The following BICC1 variants were observed in gnomAD, a reference collection of about 807,000 sequenced individuals.
The protein encoded by BICC1 is BicC family RNA binding protein 1.
In BICC1, 43 loss-of-function variants were observed where a neutral mutation model predicts 111.0. The observed-to-expected ratio is 0.39, with a 90% CI of 0.30 to 0.50. The LOEUF (loss-of-function observed/expected upper bound fraction) is 0.50. BICC1 is among the 20% of genes least tolerant of loss of function. The pLI, the probability that BICC1 is intolerant of heterozygous loss-of-function variation, is 0.88. For missense variants in BICC1, 1,091 were observed against 1,203.2 expected (o/e 0.91, Z 1.38); for synonymous variants, 467 against 434.4 (o/e 1.07, Z -0.93).
intron 2 of BICC1, among the ~76,000 whole-genome samples, chr10:58,641,933 T>C (rs565659205): frequency 6.6e-6 from 1 of 152,312 alleles, no homozygotes; most frequent in African/African-American, 2.4e-5. Context: ...ACGTTGCTAT[T>C]TTGACGTCTA....
intron 2 of BICC1, among the ~76,000 whole-genome samples, chr10:58,690,352 T>C (rs981283586): frequency 2.0e-5 from 3 of 152,234 alleles, no homozygotes; most frequent in African/African-American, 7.2e-5. Context: ...ATTCTTCCTG[T>C]TTTTCTCCCA....
chr10:58,513,153 C>T lies in BICC1; in HGVS notation c.10C>T (p.Gln4Ter). Residue 4 changes from glutamine (Q) to a stop codon, truncating the protein, a stop_gained, in exon 1 of 21, where the codon CAG (glutamine) becomes TAG (stop). Transcript: ENST00000373886. LOFTEE classifies it high-confidence loss of function. The part of the protein sequence containing the change: MAA[Q>*]GEPGYLAAQS... The stretch of plus-strand genomic sequence containing the variant: ...GCGCTGCGCGCCCACCATGGCCGCC[C>T]AGGGAGAGCCCGGCTACCTGGCGGC... 6.5e-7 allele frequency: 1 copy of T among 1,535,254 alleles called. No homozygotes were observed. The highest frequency in any genetic ancestry group is 8.7e-7 in the Non-Finnish European group (1 of 1,143,500).
At chr10:58,736,354 G>A (rs1295266030) in intron 3 of BICC1, among the ~76,000 whole-genome samples, 3 of 145,736 alleles carry the variant, frequency 2.1e-5, no homozygotes, top group Admixed American at 7.1e-5. Context: ...ATTTTATTTT[G>A]TTTATCAAAT....
At chr10:58,568,976 A>G (rs1324670037) in intron 1 of BICC1, among the ~76,000 whole-genome samples, 2 of 152,194 alleles carry the variant, frequency 1.3e-5, no homozygotes, top group Non-Finnish European at 1.5e-5. Context: ...CTAAGGAAAG[A>G]TTTTTGTAAA....
chr10:58,512,814 C>CG, upstream of BICC1, among the ~76,000 whole-genome samples: 1 of 150,262 alleles, frequency 6.7e-6, no homozygotes. Context: ...GTAGGGGCGG[C>CG]GGGCGGGGAG....
At chr10:58,597,326 C>A (rs1168361456) in intron 1 of BICC1, among the ~76,000 whole-genome samples, 3 of 151,972 alleles carry the variant, frequency 2.0e-5, no homozygotes, top group African/African-American at 7.2e-5. Flanking sequence ...TCACATGCTT[C>A]AAAAGGCAAA....
chr10:58,603,540 C>T (rs1845111010), intron 1 of BICC1, among the ~76,000 whole-genome samples: 2 of 152,098 alleles, frequency 1.3e-5, no homozygotes, highest in Non-Finnish European at 2.9e-5. Flanking sequence ...TGCCGTCAGT[C>T]CACTGTAGAG....
intron 2 of BICC1, among the ~76,000 whole-genome samples, chr10:58,631,251 G>A (rs965117982): frequency 6.6e-5 from 10 of 152,110 alleles, no homozygotes; most frequent in Non-Finnish European, 1.5e-4. Context: ...TGATAGTTAC[G>A]GAGAATGCTT....
At chr10:58,638,101 A>AG (rs1838005870) in intron 2 of BICC1, among the ~76,000 whole-genome samples, 1 of 152,168 alleles carries the variant, frequency 6.6e-6, no homozygotes, top group African/African-American at 2.4e-5. Context: ...GAGGAAAAAA[A>AG]GAATGTAATT....
At chr10:58,560,350 A>T (rs1843569800) in intron 1 of BICC1, among the ~76,000 whole-genome samples, 1 of 152,088 alleles carries the variant, frequency 6.6e-6, no homozygotes, top group Admixed American at 6.5e-5. Context: ...TTGTTAACAT[A>T]AAGTTGTTCA....
chr10:58,772,834 A>G (rs1012903479), intron 3 of BICC1, among the ~76,000 whole-genome samples: 2 of 152,224 alleles, frequency 1.3e-5, no homozygotes, highest in Non-Finnish European at 2.9e-5. Flanking sequence ...TGTACTGCAT[A>G]TATCTTTAAA....
chr10:58,668,220 A>G (rs1015372035), intron 2 of BICC1, among the ~76,000 whole-genome samples: 6 of 152,134 alleles, frequency 3.9e-5, no homozygotes, highest in Non-Finnish European at 7.4e-5. Context: ...CAGTTGGTGC[A>G]TTATTGCCTT....
intron 3 of BICC1, among the ~76,000 whole-genome samples, chr10:58,776,400 A>G (rs1303753063): frequency 6.6e-6 from 1 of 152,214 alleles, no homozygotes; most frequent in Non-Finnish European, 1.5e-5. Flanking sequence ...TGTCATGCAC[A>G]CTGTGAACAT....
chr10:58,614,236 G>GAAAGTCC (rs1845528843), intron 1 of BICC1, among the ~76,000 whole-genome samples: 1 of 152,108 alleles, frequency 6.6e-6, no homozygotes. Flanking sequence ...TGGGGTCAGT[G>GAAAGTCC]AAAGTCCTTC....
chr10:58,536,168 C>T (rs528379723), intron 1 of BICC1, among the ~76,000 whole-genome samples: 1 of 151,724 alleles, frequency 6.6e-6, no homozygotes, highest in South Asian at 2.1e-4. Flanking sequence ...AGACAGAGCA[C>T]TGAGGCAGAA....
chr10:58,774,316 G>C (rs1183636389), intron 3 of BICC1, among the ~76,000 whole-genome samples: 2 of 152,170 alleles, frequency 1.3e-5, no homozygotes, highest in Non-Finnish European at 2.9e-5. Flanking sequence ...AATTGAGAAA[G>C]CATTGTTGTC....
At chr10:58,669,969 A>C (rs1480395793) in intron 2 of BICC1, among the ~76,000 whole-genome samples, 1 of 152,168 alleles carries the variant, frequency 6.6e-6, no homozygotes, top group Admixed American at 6.5e-5. Flanking sequence ...GAAGGAAAGG[A>C]AGAAGAATGT....
chr10:58,823,798 A>T (rs1373500896), intron 20 of BICC1: 1 of 985,030 alleles, frequency 1.0e-6, no homozygotes, highest in Non-Finnish European at 1.2e-6. Context: ...CAGGCTGTGT[A>T]CTTAAGGGGA....
chr10:58,569,212 T>G (rs1843865667), intron 1 of BICC1, among the ~76,000 whole-genome samples: 1 of 152,142 alleles, frequency 6.6e-6, no homozygotes. Context: ...AGTCTTTACA[T>G]CTAATAATAT....
Sources: gnomAD v4.1 joint callset for allele counts (sites outside exome capture counted in the v4.1 genomes callset) on GRCh38, gnomAD v4.1.1 for gene constraint, MANE v1.5 for transcripts, NCBI Gene and HGNC (gene_info 2026-07-23, HGNC 2026-07-21) for gene names.